The following RB1 variants were observed in gnomAD, a reference collection of about 807,000 sequenced individuals.
The protein encoded by RB1 is RB transcriptional corepressor 1, also known as retinoblastoma-associated protein.
Under a neutral mutation model 135.4 loss-of-function variants are expected in RB1, and 18 were observed. The ratio of observed to expected loss-of-function variants is 0.13; its 90% CI spans 0.09 to 0.20. The LOEUF (loss-of-function observed/expected upper bound fraction) is 0.20. Among genes scored for constraint, RB1 ranks in the 10% least tolerant of loss-of-function variants. The probability of loss-of-function intolerance (pLI) is 1.00; values close to 1 mark genes in which losing one functional copy is unlikely to be tolerated. For missense variants in RB1, 868 were observed against 1,110.0 expected (o/e 0.78, Z 3.10); for synonymous variants, 365 against 373.2 (o/e 0.98, Z 0.25).
At chr13:48,400,888 A>G (rs899375241) in intron 17 of RB1, among the ~76,000 whole-genome samples, 14 of 152,070 alleles carry the variant, frequency 9.2e-5, no homozygotes, top group African/African-American at 3.4e-4. Context: ...CACAGTATTA[A>G]CCTGTTTATC....
intron 17 of RB1, chr13:48,401,156 A>G (rs973166978): frequency 6.6e-6 from 1 of 152,220 alleles, no homozygotes; most frequent in African/African-American, 2.4e-5. Context: ...TAGCAATGGT[A>G]GAAGAATAGC....
At chr13:48,449,060 G>T (rs1471207537) in intron 17 of RB1, among the ~76,000 whole-genome samples, 1 of 152,018 alleles carries the variant, frequency 6.6e-6, no homozygotes, top group African/African-American at 2.4e-5. Flanking sequence ...GTAATGTATT[G>T]CTTAGGCATG....
At chr13:48,311,286 CACTT>C (rs1477102394) in intron 2 of RB1, among the ~76,000 whole-genome samples, 3 of 152,114 alleles carry the variant, frequency 2.0e-5, no homozygotes, top group South Asian at 4.1e-4. Context: ...TTGATAGAAC[CACTT>C]ACTTATTTTT....
chr13:48,305,086 G>A (rs1952069836), intron 1 of RB1, among the ~76,000 whole-genome samples: 1 of 152,082 alleles, frequency 6.6e-6, no homozygotes, highest in Admixed American at 6.5e-5. Context: ...GAGTGTAATT[G>A]TCATTATTGT....
chr13:48,475,595 A>G (rs981042604), intron 24 of RB1, among the ~76,000 whole-genome samples: 1 of 152,208 alleles, frequency 6.6e-6, no homozygotes, highest in Admixed American at 6.5e-5. Flanking sequence ...ATTGTAATCT[A>G]ATTCTGGAAA....
intron 17 of RB1, among the ~76,000 whole-genome samples, chr13:48,442,338 C>G (rs1949245913): frequency 1.3e-5 from 2 of 152,038 alleles, no homozygotes; most frequent in South Asian, 2.1e-4. Context: ...GTAGCTGGGA[C>G]TACAGGCGCA....
intron 17 of RB1, among the ~76,000 whole-genome samples, chr13:48,441,844 G>A (rs1006193322): frequency 6.6e-6 from 1 of 151,862 alleles, no homozygotes; most frequent in African/African-American, 2.4e-5. Context: ...TAAGAGGCAG[G>A]AATTATTTAA....
intron 2 of RB1, chr13:48,318,764 G>T: frequency 2.9e-6 from 2 of 695,338 alleles, no homozygotes; most frequent in East Asian, 2.8e-5. Flanking sequence ...TGGGGCCACT[G>T]GTCTGGCTGT....
chr13:48,397,234 G>C (rs559548129), intron 17 of RB1, among the ~76,000 whole-genome samples: 3 of 152,120 alleles, frequency 2.0e-5, no homozygotes, highest in Non-Finnish European at 4.4e-5. Flanking sequence ...GCAAAGACTT[G>C]AAACCAACCC....
intron 17 of RB1, among the ~76,000 whole-genome samples, 169 bp from the exon 18 acceptor site, chr13:48,452,824 A>G (rs1381449527): frequency 6.6e-6 from 1 of 152,268 alleles, no homozygotes; most frequent in East Asian, 1.9e-4. Flanking sequence ...AAAATTGTCA[A>G]TTGGGAATTT....
rs1478254242 is a variant in RB1, at chr13:48,481,207, T to C, written c.*1136T>C. 4.3e-6 allele frequency: 1 copy of C among 231,638 alleles called. No homozygotes were observed. The highest frequency in any genetic ancestry group is 8.6e-6 in the Non-Finnish European group (1 of 116,866). The allele number at this position is 231,638 out of a possible 1,614,324, so 14.3% of individuals were successfully genotyped here. ...TTTTTAAGTCAGTATGGTCTAACAC[T>C]GGCATGTTCAAAGCCACATTATTTC... On this transcript the variant is annotated 3_prime_UTR_variant, in exon 27 of 27. Coordinates refer to ENST00000267163, the MANE Select transcript of RB1 (RefSeq NM_000321.3).
chr13:48,465,049 T>C lies in RB1; in HGVS notation c.2263T>C (p.Phe755Leu). The change falls in exon 22 of 27, where the codon TTC becomes CTC. Residue 755 changes from phenylalanine (F) to leucine (L), a missense_variant. This residue lies in a region of RB1 where 196 missense variants were observed against 239.8 expected (regional missense o/e 0.82). Transcript: ENST00000267163. Reference protein sequence around the residue: ...KEEEYDSIIVFYNSVFMQRLK... With the variant: ...KEEEYDSIIVLYNSVFMQRLK... ...AGAGGAGTATGATTCTATTATAGTA[T>C]TCTATAACTCGGTCTTCATGCAGAG... 6.2e-7 allele frequency: 1 copy of C among 1,612,522 alleles called. No individual in the cohort carries two copies. Among genetic ancestry groups the C allele is most frequent in the Non-Finnish European group, 8.5e-7 (1 of 1,179,574 alleles).
chr13:48,363,867 T>C (rs1363613815), intron 8 of RB1, among the ~76,000 whole-genome samples: 1 of 152,186 alleles, frequency 6.6e-6, no homozygotes. Flanking sequence ...CATTAGACTT[T>C]GGGATATCTG....
At chr13:48,384,989 G>C (rs1474352970) in intron 17 of RB1, among the ~76,000 whole-genome samples, 1 of 152,158 alleles carries the variant, frequency 6.6e-6, no homozygotes, top group Non-Finnish European at 1.5e-5. Context: ...CAAGAGTTTG[G>C]CCCTATTAAA....
intron 17 of RB1, among the ~76,000 whole-genome samples, chr13:48,421,093 A>G (rs992319886): frequency 2.6e-5 from 4 of 152,232 alleles, no homozygotes; most frequent in African/African-American, 9.6e-5. Flanking sequence ...CTAAGCAAAA[A>G]GAAGAAAGCT....
intron 17 of RB1, among the ~76,000 whole-genome samples, chr13:48,424,962 G>T (rs965870913): frequency 6.6e-6 from 1 of 152,050 alleles, no homozygotes; most frequent in Admixed American, 6.6e-5. Context: ...GCTAAGGCAG[G>T]AGAATCACTT....
intron 17 of RB1, among the ~76,000 whole-genome samples, chr13:48,428,474 T>G (rs186881139): frequency 7.5e-4 from 112 of 150,270 alleles, no homozygotes; most frequent in East Asian, 2.4e-3. Flanking sequence ...GCATTGGGGA[T>G]CACATTTCAA....
chr13:48,379,433 C>T (rs1391203000), intron 13 of RB1, among the ~76,000 whole-genome samples, 161 bp from the exon 14 acceptor site: 1 of 151,662 alleles, frequency 6.6e-6, no homozygotes, highest in Non-Finnish European at 1.5e-5. Context: ...GCCTATAATC[C>T]CAGCCTCTTG....
rs751718011 is a variant in RB1, at chr13:48,477,370, A to G, written c.2679A>G (p.Gly893=). The G allele has an allele frequency of 6.2e-6, 10 of 1,609,842 alleles. No individual in the cohort carries two copies. Among genetic ancestry groups the G allele is most frequent in the Non-Finnish European group, 7.6e-6 (9 of 1,176,748 alleles). ...TAATCTGCAGTAAACATCTCCCAGG[A>G]GAGTCCAAATTTCAGCAGAAACTGG... ...DEADGSKHLP[G]ESKFQQKLAE... The change falls in exon 26 of 27, where the codon GGA becomes GGG. Residue 893 remains glycine, a synonymous_variant. Transcript: ENST00000267163.
Sources: gnomAD v4.1 joint callset for allele counts (sites outside exome capture counted in the v4.1 genomes callset) on GRCh38, gnomAD v4.1.1 for gene constraint, gnomAD v4.1.1 regional missense constraint, MANE v1.5 for transcripts, NCBI Gene and HGNC (gene_info 2026-07-23, HGNC 2026-07-21) for gene names.